Variants in NBEAL1 observed in about 807,000 individuals in gnomAD.
NBEAL1 encodes the protein neurobeachin-like protein 1.
A neutral mutation model predicts 351.3 loss-of-function variants in NBEAL1; 273 were observed. The observed-to-expected ratio is 0.78, with a 90% CI of 0.70 to 0.86. NBEAL1 has a LOEUF of 0.86. Among genes scored for constraint, NBEAL1 ranks in the 40% least tolerant of loss-of-function variants. The probability of loss-of-function intolerance (pLI) is 0.00; values close to 1 mark genes in which losing one functional copy is unlikely to be tolerated. For missense variants in NBEAL1, 2,961 were observed against 3,201.3 expected (o/e 0.92, Z 1.81); for synonymous variants, 1,050 against 1,086.4 (o/e 0.97, Z 0.66).
At chr2:203,193,762 A>G in intron 46 of NBEAL1, 33 bp from the exon 47 acceptor site, 2 of 1,400,432 alleles carry the variant, frequency 1.4e-6, no homozygotes, top group Non-Finnish European at 2.0e-6. Flanking sequence ...TAACATAGAT[A>G]TGGAATTGTT....
intron 2 of NBEAL1, among the ~76,000 whole-genome samples, chr2:203,024,201 A>C (rs531678176): frequency 6.9e-4 from 101 of 146,762 alleles, no homozygotes; most frequent in Admixed American, 3.3e-3. Context: ...TTCTCACACA[A>C]AAAAAAAAAA....
At chr2:203,177,490 A>G (rs1210777027) in intron 42 of NBEAL1, among the ~76,000 whole-genome samples, 1 of 152,166 alleles carries the variant, frequency 6.6e-6, no homozygotes, top group African/African-American at 2.4e-5. Context: ...GAGATATGCA[A>G]ATGTTCAGTA....
chr2:203,140,686 T>A (rs10932007), intron 31 of NBEAL1, among the ~76,000 whole-genome samples: 138,314 of 152,046 alleles, frequency 0.91, 63,400 homozygotes, highest in Non-Finnish European at 0.96. Context: ...TTAAAAAAAA[T>A]GATTATACTC....
intron 2 of NBEAL1, among the ~76,000 whole-genome samples, chr2:203,019,526 G>T (rs1360926824): frequency 6.6e-6 from 1 of 152,098 alleles, no homozygotes; most frequent in African/African-American, 2.4e-5. Context: ...ACAAAACATT[G>T]TATACATACC....
intron 51 of NBEAL1, among the ~76,000 whole-genome samples, chr2:203,207,361 C>A (rs1468567311): frequency 6.6e-6 from 1 of 152,158 alleles, no homozygotes; most frequent in Non-Finnish European, 1.5e-5. Context: ...GCCGCCCCTA[C>A]TGGGAAGTGA....
At chr2:203,184,699 T>G (rs971197815) in intron 44 of NBEAL1, among the ~76,000 whole-genome samples, 1 of 151,538 alleles carries the variant, frequency 6.6e-6, no homozygotes, top group South Asian at 2.1e-4. Flanking sequence ...AATTCAGAAT[T>G]TGATTATAAT....
In NBEAL1 at chr2:203,016,405, C is replaced by T; in HGVS notation, c.21C>T (p.Leu7=). The T allele has an allele frequency of 3.3e-6, 5 of 1,494,844 alleles. No homozygotes were observed. Among genetic ancestry groups the T allele is most frequent in the Non-Finnish European group, 4.5e-6 (5 of 1,107,472 alleles). The allele number at this position is 1,494,844 out of a possible 1,614,324, so 92.6% of individuals were successfully genotyped here. MASRER[L]FELWMLYCTK... is the part of the protein sequence containing the mutation. ...CCAGAATGGCATCCAGAGAGAGGCTCTTTGAACTTTGGATGCTTTATTGTA... is the reference window on the plus strand; with the variant it reads ...CCAGAATGGCATCCAGAGAGAGGCTTTTTGAACTTTGGATGCTTTATTGTA... The change falls in exon 2 of 56, where the codon CTC becomes CTT. Residue 7 remains leucine, a synonymous_variant. Transcript: ENST00000683969.
chr2:203,093,336 A>G (rs1489895388), intron 10 of NBEAL1, among the ~76,000 whole-genome samples: 2 of 151,582 alleles, frequency 1.3e-5, no homozygotes, highest in African/African-American at 2.4e-5. Flanking sequence ...TTTCTTCAGT[A>G]TATGAAACTC....
chr2:203,119,424 C>CTTTTTTTTTTTTTT lies in NBEAL1; in HGVS notation c.2593-2823_2593-2810dup, dbSNP rs57126638. On this transcript the variant is annotated intron_variant, in intron 18 of 55. Coordinates refer to ENST00000683969, the MANE Select transcript of NBEAL1 (RefSeq NM_001378026.1). The stretch of plus-strand genomic sequence containing the variant: ...GTGAGCCACTGCATACGGCCTGTTG[C>CTTTTTTTTTTTTTT]TTTTTTTTTTTTTTTTTTTTGAGAC... Among the ~76,000 whole-genome samples the CTTTTTTTTTTTTTT allele has an allele frequency of 7.1e-4, 47 of 66,662 alleles. 11 individuals carry two copies. The highest frequency in any genetic ancestry group is 1.0e-3 in the Admixed American group (4 of 3,824). 43.7% of individuals were successfully genotyped at this position (66,662 alleles called of 152,430 possible). A position where few individuals can be genotyped will look rare whatever the true frequency, so the allele number is the denominator to read the frequency against.
At chr2:203,088,859 C>G (rs969305023) in intron 10 of NBEAL1, among the ~76,000 whole-genome samples, 3 of 152,044 alleles carry the variant, frequency 2.0e-5, no homozygotes, top group Admixed American at 2.0e-4. Context: ...ATGGAGAGTT[C>G]CTAGCTTCTT....
Position 203,107,509 on chromosome 2 carries a change from T to G in NBEAL1, c.1359T>G (p.Leu453=). The change falls in exon 13 of 56, where the codon CTT becomes CTG. Residue 453 remains leucine (L), a synonymous_variant. Coordinates refer to ENST00000683969, the MANE Select transcript of NBEAL1 (RefSeq NM_001378026.1). ...CACCACTGGAATTACTTAAAGAACTTATGAATATGGTGAGTTTATAACCTT... is the reference window on the plus strand; with the variant it reads ...CACCACTGGAATTACTTAAAGAACTGATGAATATGGTGAGTTTATAACCTT... ...GQPPLELLKE[L]MNMAVEGDHT... is the part of the protein sequence containing the mutation. 1 of 1,549,612 alleles carries G rather than the reference T, an allele frequency of 6.5e-7. No individual in the cohort carries two copies. Among genetic ancestry groups the G allele is most frequent in the Non-Finnish European group, 8.7e-7 (1 of 1,145,080 alleles).
rs116706142 is a variant in NBEAL1 at position 203,201,122 on chromosome 2, A to G, written c.7239-421A>G. On this transcript the variant is annotated intron_variant, in intron 49 of 55. Coordinates refer to ENST00000683969, the MANE Select transcript of NBEAL1 (RefSeq NM_001378026.1). The stretch of plus-strand genomic sequence containing the variant: ...CATAAGTGTTGTTAGATACACACTT[A>G]TCTGCCTGATTTATCTCCTATGCAT... 3.2e-3 allele frequency among the ~76,000 whole-genome samples: 491 copies of G among 152,362 alleles called. 4 individuals are homozygous for G. Among genetic ancestry groups the G allele is most frequent in the African/African-American group, 0.011 (475 of 41,588 alleles).
Position 203,110,151 on chromosome 2 carries a change from T to C in NBEAL1, c.1951T>C (p.Phe651Leu), listed in dbSNP as rs996812570. The C allele has an allele frequency of 1.2e-5, 19 of 1,544,842 alleles. No homozygotes were observed. The highest frequency in any genetic ancestry group is 1.7e-5 in the Non-Finnish European group (19 of 1,145,280). Residue 651 changes from phenylalanine to leucine, a missense_variant and splice_region_variant, in exon 15 of 56, where the codon TTT becomes CTT. Phe to Leu is a conservative substitution (Grantham distance 22). Coordinates refer to ENST00000683969, the MANE Select transcript of NBEAL1 (RefSeq NM_001378026.1). ...KGGKRKQLYS[F>L]FTGSGMGFEA... The stretch of plus-strand genomic sequence containing the variant: ...TCTGATAATACGTATTTTTTTTAGT[T>C]TTTTTACAGGAAGTGGCATGGGTTT...
intron 12 of NBEAL1, 66 bp downstream of exon 12, chr2:203,099,778 T>C (rs530928275): frequency 9.3e-7 from 1 of 1,080,426 alleles, no homozygotes; most frequent in South Asian, 1.5e-5. Context: ...GGGGTACATG[T>C]GCAGGTTTGT....
chr2:203,040,765 G>A (rs2061127450), intron 2 of NBEAL1: 3 of 560,444 alleles, frequency 5.4e-6, no homozygotes, highest in Non-Finnish European at 1.0e-5. Flanking sequence ...TGCTCAGGCT[G>A]GAGTGCAGTA....
chr2:203,020,423 C>T (rs967216054), intron 2 of NBEAL1, among the ~76,000 whole-genome samples: 6 of 152,084 alleles, frequency 3.9e-5, no homozygotes, highest in Non-Finnish European at 8.8e-5. Flanking sequence ...GTCTGTAAGG[C>T]TCACTGGAAG....
chr2:203,068,487 C>G lies in NBEAL1; in HGVS notation c.598+12C>G, dbSNP rs2061630317. On this transcript the variant is annotated intron_variant, in intron 7 of 55. Transcript: ENST00000683969. ...CCCTTTCTTTTATCGTAAGTAACACCTCTAATTTCTCTTGCTATGATTATC... is the reference window on the plus strand; with the variant it reads ...CCCTTTCTTTTATCGTAAGTAACACGTCTAATTTCTCTTGCTATGATTATC... 2 of 1,409,178 alleles carry G rather than the reference C, an allele frequency of 1.4e-6. No homozygotes were observed. Among genetic ancestry groups the G allele is most frequent in the Non-Finnish European group, 2.0e-6 (2 of 1,019,886 alleles). The allele number at this position is 1,409,178 out of a possible 1,614,324, so 87.3% of individuals were successfully genotyped here. A position where few individuals can be genotyped will look rare whatever the true frequency, so the allele number is the denominator to read the frequency against.
At chr2:203,147,589 G>A (rs2063544482) in intron 33 of NBEAL1, among the ~76,000 whole-genome samples, 1 of 151,990 alleles carries the variant, frequency 6.6e-6, no homozygotes, top group African/African-American at 2.4e-5. Flanking sequence ...GTAATTTTAA[G>A]GTGTATATAT....
chr2:203,190,628 C>T (rs1174270044), intron 46 of NBEAL1: 2 of 444,984 alleles, frequency 4.5e-6, no homozygotes, highest in Non-Finnish European at 6.4e-6. Context: ...CTTCTAATAG[C>T]TAACATCTGC....
Sources: gnomAD v4.1 joint callset for allele counts (sites outside exome capture counted in the v4.1 genomes callset) on GRCh38, gnomAD v4.1.1 for gene constraint, MANE v1.5 for transcripts, NCBI Gene and HGNC (gene_info 2026-07-23, HGNC 2026-07-21) for gene names.